The following SLC35D4 variants were observed in gnomAD, a reference collection of about 807,000 sequenced individuals.
SLC35D4 encodes UDP-N-acetylglucosamine transporter SLC35D4.
At chr18:23,409,603 A>G in the SLC35D4 span, among the ~76,000 whole-genome samples, 1 of 152,206 alleles carries the variant, frequency 6.6e-6, no homozygotes, top group African/African-American at 2.4e-5. Flanking sequence ...CCACTTTGGG[A>G]GGCCAAGGCA....
chr18:23,270,282 G>A, the SLC35D4 span, among the ~76,000 whole-genome samples: 1 of 152,178 alleles, frequency 6.6e-6, no homozygotes, highest in Non-Finnish European at 1.5e-5. Flanking sequence ...CATGGCATTG[G>A]GTCTGCAGGT....
At chr18:23,359,043 C>T in the SLC35D4 span, among the ~76,000 whole-genome samples, 9 of 152,270 alleles carry the variant, frequency 5.9e-5, no homozygotes, top group African/African-American at 1.4e-4. Flanking sequence ...CACTCCTGCA[C>T]CATCTAGTGC....
At chr18:23,315,320 C>T in the SLC35D4 span, among the ~76,000 whole-genome samples, 1 of 152,176 alleles carries the variant, frequency 6.6e-6, no homozygotes, top group African/African-American at 2.4e-5. Flanking sequence ...ATAATTCCTA[C>T]TCACCATTCA....
chr18:23,366,352 C>T, the SLC35D4 span, among the ~76,000 whole-genome samples: 2 of 152,220 alleles, frequency 1.3e-5, no homozygotes, highest in African/African-American at 2.4e-5. Flanking sequence ...GCCCAATCCC[C>T]CACCCTCTGC....
the SLC35D4 span, among the ~76,000 whole-genome samples, chr18:23,418,112 AT>A: frequency 6.6e-6 from 1 of 152,170 alleles, no homozygotes; most frequent in Admixed American, 6.5e-5. Flanking sequence ...AATCCCAAAA[AT>A]ATCTTTATTT....
the SLC35D4 span, among the ~76,000 whole-genome samples, chr18:23,268,508 A>G: frequency 6.6e-6 from 1 of 152,092 alleles, no homozygotes; most frequent in Non-Finnish European, 1.5e-5. Context: ...CATATTTGCA[A>G]CAAGTTCCCC....
the SLC35D4 span, among the ~76,000 whole-genome samples, chr18:23,419,964 A>G: frequency 8.5e-5 from 13 of 152,200 alleles, no homozygotes; most frequent in Admixed American, 7.9e-4. Flanking sequence ...ATATACATAT[A>G]TACATGTACA....
chr18:23,289,790 A>G, the SLC35D4 span, among the ~76,000 whole-genome samples: 1 of 152,048 alleles, frequency 6.6e-6, no homozygotes, highest in Admixed American at 6.6e-5. Flanking sequence ...TGATGACATT[A>G]TCTTGTGAAA....
At chr18:23,367,378 A>G in the SLC35D4 span, among the ~76,000 whole-genome samples, 1 of 152,182 alleles carries the variant, frequency 6.6e-6, no homozygotes, top group Non-Finnish European at 1.5e-5. Flanking sequence ...CCTGGATGGC[A>G]TGAGTTTTGA....
At chr18:23,380,446 G>A in the SLC35D4 span, among the ~76,000 whole-genome samples, 1 of 152,146 alleles carries the variant, frequency 6.6e-6, no homozygotes, top group Non-Finnish European at 1.5e-5. Context: ...TTCCCATCCT[G>A]CCTGACTCAG....
At chr18:23,329,259 G>A in the SLC35D4 span, among the ~76,000 whole-genome samples, 3 of 152,196 alleles carry the variant, frequency 2.0e-5, no homozygotes, top group African/African-American at 7.2e-5. Context: ...TACCATCAGA[G>A]TGAACAGGCA....
chr18:23,293,612 G>T, the SLC35D4 span, among the ~76,000 whole-genome samples: 1 of 152,132 alleles, frequency 6.6e-6, no homozygotes, highest in East Asian at 1.9e-4. Flanking sequence ...CACTGGGTGG[G>T]CCCTTCTCTA....
chr18:23,436,362 T>C, the SLC35D4 span, among the ~76,000 whole-genome samples: 9 of 152,026 alleles, frequency 5.9e-5, no homozygotes, highest in South Asian at 1.9e-3. Flanking sequence ...CTTTGTCCCA[T>C]CTTAAAGTTA....
At chr18:23,327,497 C>T in the SLC35D4 span, among the ~76,000 whole-genome samples, 1 of 151,942 alleles carries the variant, frequency 6.6e-6, no homozygotes, top group African/African-American at 2.4e-5. Context: ...AAGACTAAAC[C>T]AGGAAGAAGT....
chr18:23,326,208 A>G, the SLC35D4 span, among the ~76,000 whole-genome samples: 1 of 152,076 alleles, frequency 6.6e-6, no homozygotes, highest in Non-Finnish European at 1.5e-5. Context: ...AACAATAATA[A>G]CCTTAAATGT....
At chr18:23,304,978 G>C in the SLC35D4 span, among the ~76,000 whole-genome samples, 1 of 152,176 alleles carries the variant, frequency 6.6e-6, no homozygotes, top group African/African-American at 2.4e-5. Flanking sequence ...CAATGAATTA[G>C]CTTTCTGATT....
At chr18:23,282,120 G>A in the SLC35D4 span, among the ~76,000 whole-genome samples, 2 of 152,202 alleles carry the variant, frequency 1.3e-5, no homozygotes, top group South Asian at 2.1e-4. Context: ...AAGGGCCTCC[G>A]CGGCTCCCCG....
At chr18:23,338,699 C>T in the SLC35D4 span, among the ~76,000 whole-genome samples, 1 of 152,102 alleles carries the variant, frequency 6.6e-6, no homozygotes, top group South Asian at 2.1e-4. Flanking sequence ...CTTAGGATCA[C>T]AGGTTCTAGC....
chr18:23,255,538 G>A, the SLC35D4 span, among the ~76,000 whole-genome samples: 1 of 151,324 alleles, frequency 6.6e-6, no homozygotes, highest in East Asian at 1.9e-4. Context: ...GGCTTATACA[G>A]ACATCTGCTG....
Sources: gnomAD v4.1 joint callset for allele counts (sites outside exome capture counted in the v4.1 genomes callset) on GRCh38, gnomAD v4.1.1 for gene constraint, MANE v1.5 for transcripts, NCBI Gene and HGNC (gene_info 2026-07-23, HGNC 2026-07-21) for gene names.